ATP6V0D2: variants seen among roughly 807,000 people sequenced by gnomAD.
ATP6V0D2 encodes V-type proton ATPase subunit d 2.
A neutral mutation model predicts 40.0 loss-of-function variants in ATP6V0D2; 40 were observed. The ratio of observed to expected loss-of-function variants is 1.00; its 90% confidence interval spans 0.78 to 1.30. The LOEUF is 1.30. Among genes scored for constraint, ATP6V0D2 ranks in the 50% most tolerant of loss-of-function variants. ATP6V0D2 has a pLI of 0.00. For synonymous variants in ATP6V0D2, 179 were observed against 156.3 expected (o/e 1.15, Z -1.08); for missense variants, 470 against 423.1 (o/e 1.11, Z -0.97).
At position 86,100,134 on chromosome 8, in the gene ATP6V0D2, T is replaced by C. The variant is rs184307686; in HGVS notation, c.130+1026T>C. ...TCTGTCATGTCACCAGTAGGTGACCTGTGGCTCCAAGCCTCTGAGTCTCAG... is the reference window on the plus strand; with the variant it reads ...TCTGTCATGTCACCAGTAGGTGACCCGTGGCTCCAAGCCTCTGAGTCTCAG... On this transcript the variant is annotated intron_variant, in intron 1 of 7. Coordinates refer to ENST00000285393, the MANE Select transcript of ATP6V0D2 (RefSeq NM_152565.1). 3.0e-3 allele frequency among the ~76,000 whole-genome samples: 459 copies of C among 152,144 alleles called. 3 individuals are homozygous for C. The highest frequency in any genetic ancestry group is 0.01 in the African/African-American group (430 of 41,534).
chr8:86,109,936 G>A (rs552201597), intron 1 of ATP6V0D2, among the ~76,000 whole-genome samples: 3 of 152,138 alleles, frequency 2.0e-5, no homozygotes, highest in African/African-American at 7.2e-5. Context: ...GTGGCTTCCT[G>A]TTATCTCAGG....
intron 2 of ATP6V0D2, among the ~76,000 whole-genome samples, chr8:86,127,971 C>G (rs1818769059): frequency 6.6e-6 from 1 of 152,122 alleles, no homozygotes; most frequent in Admixed American, 6.5e-5. Flanking sequence ...AATCTCAGCA[C>G]TTTGGAAGGC....
intron 2 of ATP6V0D2, among the ~76,000 whole-genome samples, chr8:86,120,507 G>A (rs1818654890): frequency 6.6e-6 from 1 of 152,092 alleles, no homozygotes; most frequent in Non-Finnish European, 1.5e-5. Flanking sequence ...TCATTTAAGT[G>A]CAGGAGTTTG....
intron 5 of ATP6V0D2, among the ~76,000 whole-genome samples, chr8:86,149,074 A>AAAAAAAAG (rs1819109208): frequency 6.7e-6 from 1 of 150,138 alleles, no homozygotes. Flanking sequence ...AAAAAAAAAA[A>AAAAAAAAG]ACCAATGAAC....
At chr8:86,140,005 C>G (rs1818953110) in intron 3 of ATP6V0D2, among the ~76,000 whole-genome samples, 1 of 152,152 alleles carries the variant, frequency 6.6e-6, no homozygotes, top group South Asian at 2.1e-4. Context: ...AATTTTCTAG[C>G]TTGGTTTTAC....
At chr8:86,120,960 C>G (rs1010470214) in intron 2 of ATP6V0D2, among the ~76,000 whole-genome samples, 1 of 151,964 alleles carries the variant, frequency 6.6e-6, no homozygotes, top group Admixed American at 6.6e-5. Flanking sequence ...ATCTAGTTGG[C>G]CTTGGAATGG....
chr8:86,140,474 A>G (rs1361325038), intron 3 of ATP6V0D2, among the ~76,000 whole-genome samples: 2 of 152,174 alleles, frequency 1.3e-5, no homozygotes, highest in African/African-American at 4.8e-5. Flanking sequence ...GAGCAATTCA[A>G]TTCACCCCAG....
intron 1 of ATP6V0D2, among the ~76,000 whole-genome samples, chr8:86,107,126 A>G (rs1326977858): frequency 6.6e-6 from 1 of 152,224 alleles, no homozygotes; most frequent in East Asian, 1.9e-4. Flanking sequence ...TCAGAATCCA[A>G]AAATGGTTCA....
intron 1 of ATP6V0D2, among the ~76,000 whole-genome samples, chr8:86,110,260 A>G (rs1818514555): frequency 6.6e-6 from 1 of 151,674 alleles, no homozygotes; most frequent in South Asian, 2.1e-4. Context: ...ACACCCAACT[A>G]ATTTTTGTCT....
chr8:86,123,804 T>C (rs889736992), intron 2 of ATP6V0D2, among the ~76,000 whole-genome samples: 1 of 152,212 alleles, frequency 6.6e-6, no homozygotes, highest in Non-Finnish European at 1.5e-5. Context: ...AATTGACATA[T>C]GCCTATACTC....
At chr8:86,116,217 T>A (rs1171303763) in intron 2 of ATP6V0D2, among the ~76,000 whole-genome samples, 1 of 152,198 alleles carries the variant, frequency 6.6e-6, no homozygotes, top group East Asian at 1.9e-4. Flanking sequence ...CTTCTCAGTT[T>A]CTTATGTGTT....
chr8:86,113,456 T>C (rs995006394), intron 1 of ATP6V0D2, among the ~76,000 whole-genome samples: 1 of 152,216 alleles, frequency 6.6e-6, no homozygotes, highest in African/African-American at 2.4e-5. Flanking sequence ...CACTCCTGCC[T>C]GGGCTACAGA....
At position 86,149,966 on chromosome 8, in the gene ATP6V0D2, C is replaced by T. The variant is rs1020554653; in HGVS notation, c.640-146C>T. The T allele has an allele frequency of 8.6e-6, 6 of 697,422 alleles. No individual in the cohort carries two copies. The Admixed American group carries it at 1.2e-4, about 14-fold the overall frequency. The allele number at this position is 697,422 out of a possible 1,614,324, so 43.2% of individuals were successfully genotyped here. A position where few individuals can be genotyped will look rare whatever the true frequency, so the allele number is the denominator to read the frequency against. ...CCATTACAAGAAAAGACTAAGGGAA[C>T]ACTAATAACACATGTCTGGAGTATA... On this transcript the variant is annotated intron_variant, in intron 5 of 7. Coordinates refer to ENST00000285393, the MANE Select transcript of ATP6V0D2 (RefSeq NM_152565.1).
At chr8:86,122,688 C>T (rs1423923517) in intron 2 of ATP6V0D2, among the ~76,000 whole-genome samples, 1 of 152,186 alleles carries the variant, frequency 6.6e-6, no homozygotes, top group African/African-American at 2.4e-5. Context: ...GAAGGCTGAA[C>T]ATTCAATGAG....
At position 86,135,210 on chromosome 8, in the gene ATP6V0D2, A is replaced by G. The variant is rs150475039; in HGVS notation, c.303-4247A>G. Among the ~76,000 whole-genome samples the G allele has an allele frequency of 5.1e-3, 781 of 152,350 alleles. 4 individuals carry two copies. The highest frequency in any genetic ancestry group is 0.014 in the Middle Eastern group (4 of 294). On this transcript the variant is annotated intron_variant, in intron 2 of 7. Transcript: ENST00000285393. The stretch of plus-strand genomic sequence containing the variant: ...CTGAAGTACTAAAATTTTTATTCAG[A>G]GAAGAGCAATTCCTCTAACTTACCA...
At chr8:86,128,090 G>C (rs1382496988) in intron 2 of ATP6V0D2, among the ~76,000 whole-genome samples, 1 of 152,018 alleles carries the variant, frequency 6.6e-6, no homozygotes, top group Admixed American at 6.6e-5. Flanking sequence ...ATAAAATAAA[G>C]CTGGGCAGTG....
chr8:86,151,128 C>A (rs4584126), intron 6 of ATP6V0D2, among the ~76,000 whole-genome samples: 48,561 of 151,958 alleles, frequency 0.32, 8,145 homozygotes, highest in African/African-American at 0.38. Flanking sequence ...GAACCATGAA[C>A]CCTTACTGAC....
chr8:86,132,651 T>C (rs1818842916), intron 2 of ATP6V0D2, among the ~76,000 whole-genome samples: 1 of 152,300 alleles, frequency 6.6e-6, no homozygotes, highest in East Asian at 1.9e-4. Context: ...TTGCTGCAAA[T>C]GACATATTAT....
intron 1 of ATP6V0D2, among the ~76,000 whole-genome samples, chr8:86,101,883 A>G (rs1818403864): frequency 6.6e-6 from 1 of 152,186 alleles, no homozygotes; most frequent in African/African-American, 2.4e-5. Context: ...TCTCAACTAC[A>G]TTTGAATCTG....
Sources: gnomAD v4.1 joint callset for allele counts (sites outside exome capture counted in the v4.1 genomes callset) on GRCh38, gnomAD v4.1.1 for gene constraint, MANE v1.5 for transcripts, NCBI Gene and HGNC (gene_info 2026-07-23, HGNC 2026-07-21) for gene names.